AP3D1: variants seen among roughly 807,000 people sequenced by gnomAD.
AP3D1 encodes AP-3 complex subunit delta-1.
A neutral mutation model predicts 147.6 loss-of-function variants in AP3D1; 51 were observed. That is an observed-to-expected ratio of 0.35 (90% CI 0.28 to 0.44). The LOEUF is 0.44. AP3D1 is among the 20% of genes least tolerant of loss of function. The pLI is 1.00. For missense variants in AP3D1, 1,421 were observed against 1,624.2 expected (o/e 0.87, Z 2.15); for synonymous variants, 760 against 663.0 (o/e 1.15, Z -2.25).
chr19:2,104,363 C>A (rs1443146749), intron 31 of AP3D1, among the ~76,000 whole-genome samples: 1 of 122,916 alleles, frequency 8.1e-6, no homozygotes, highest in Non-Finnish European at 1.9e-5. Context: ...GAGACGCCAA[C>A]ACCCAGACCC....
chr19:2,137,182 G>A (rs1279141342), intron 3 of AP3D1, 91 bp from the exon 4 acceptor site: 7 of 1,180,994 alleles, frequency 5.9e-6, no homozygotes, highest in Middle Eastern at 1.9e-4. Flanking sequence ...ACCAGGCAGC[G>A]CCAGCCCAGA....
intron 1 of AP3D1, among the ~76,000 whole-genome samples, chr19:2,149,535 C>T (rs545783559): frequency 4.2e-5 from 6 of 143,394 alleles, no homozygotes; most frequent in Admixed American, 1.4e-4. Context: ...AAGAGTGAAA[C>T]TCCGTCTCAA....
chr19:2,158,237 T>C (rs1338411540), intron 1 of AP3D1, among the ~76,000 whole-genome samples: 1 of 152,038 alleles, frequency 6.6e-6, no homozygotes, highest in African/African-American at 2.4e-5. Context: ...TTCGTATTTT[T>C]AGTAGAGACG....
chr19:2,116,810 C>A, intron 16 of AP3D1, 64 bp from the exon 17 acceptor site: 1 of 1,514,364 alleles, frequency 6.6e-7, no homozygotes. Context: ...CAGGCGTCCG[C>A]CCTGAGCAGG....
intron 1 of AP3D1, among the ~76,000 whole-genome samples, chr19:2,158,357 G>GTTTT (rs556426847): frequency 7.4e-6 from 1 of 135,724 alleles, no homozygotes; most frequent in Non-Finnish European, 1.6e-5. Flanking sequence ...TGCTCGACCT[G>GTTTT]TTTTTTTTTT....
intron 9 of AP3D1, among the ~76,000 whole-genome samples, chr19:2,126,482 C>T (rs558455357): frequency 2.0e-5 from 3 of 152,024 alleles, no homozygotes; most frequent in African/African-American, 2.4e-5. Flanking sequence ...AGTGAAACCC[C>T]GTGTCTACTA....
intron 22 of AP3D1, among the ~76,000 whole-genome samples, chr19:2,113,769 A>G (rs903161375): frequency 1.3e-5 from 2 of 152,152 alleles, no homozygotes; most frequent in African/African-American, 2.4e-5. Context: ...TGAAAAACCC[A>G]TTTCTTTCTC....
chr19:2,110,959 CCTGT>C, intron 26 of AP3D1, 63 bp from the exon 27 acceptor site: 2 of 1,549,274 alleles, frequency 1.3e-6, no homozygotes, highest in East Asian at 4.5e-5. Context: ...GGCACAGCCA[CCTGT>C]CTCTTAATGA....
intron 26 of AP3D1, 185 bp from the exon 27 acceptor site, chr19:2,111,081 A>G: frequency 2.2e-6 from 2 of 904,492 alleles, no homozygotes; most frequent in South Asian, 1.7e-5. Flanking sequence ...CATGGCGGGG[A>G]CCCTCCTGCC....
rs757809858 is a variant in AP3D1 at position 2,114,151 on chromosome 19, CCTT to C, written c.2572_2574del (p.Lys858del). The C allele has an allele frequency of 1.0e-5, 16 of 1,566,744 alleles. No homozygotes were observed. The highest frequency in any genetic ancestry group is 7.1e-5 in the East Asian group (3 of 42,200). The stretch of plus-strand genomic sequence containing the variant: ...TTCTTCTCCTTCTCCTTCTTCTTCT[CCTT>C]GTCTCTCTCTTTCTCTTTGTGTTTT... On this transcript the variant is annotated inframe_deletion, in exon 22 of 32. Transcript: ENST00000643116.
At chr19:2,162,087 G>A (rs1267828377) in intron 1 of AP3D1, among the ~76,000 whole-genome samples, 1 of 145,946 alleles carries the variant, frequency 6.9e-6, no homozygotes, top group African/African-American at 2.5e-5. Context: ...CCAGGCTGGA[G>A]TGCAGTGGCA....
Position 2,136,839 on chromosome 19 carries a change from G to A in AP3D1, c.354+172C>T, listed in dbSNP as rs913252283. ...CACCAGGGAGCGCAGGCTCAGACCCGCCGGGCCTCCTCTCTGCGTCTGCTG... is the reference window on the plus strand; with the variant it reads ...CACCAGGGAGCGCAGGCTCAGACCCACCGGGCCTCCTCTCTGCGTCTGCTG... On this transcript the variant is annotated intron_variant, in intron 4 of 31. Coordinates refer to ENST00000643116, the MANE Select transcript of AP3D1 (RefSeq NM_001261826.3). 3.9e-5 allele frequency among the ~76,000 whole-genome samples: 6 copies of A among 152,278 alleles called. No homozygotes were observed. In the South Asian group the frequency reaches 8.3e-4, roughly 21 times the overall value.
rs1163896225 is a variant in AP3D1, at chr19:2,102,091, G to A, written c.*82C>T. On this transcript the variant is annotated 3_prime_UTR_variant, in exon 32 of 32. Transcript: ENST00000643116. ...ACTCAGGCTTGGGTACAGTACACACGACTGAGGAGAGGCGAGACACGTCAG... is the reference window on the plus strand; with the variant it reads ...ACTCAGGCTTGGGTACAGTACACACAACTGAGGAGAGGCGAGACACGTCAG... 11 of 1,104,466 alleles carry A rather than the reference G, an allele frequency of 1.0e-5. No homozygotes were observed. The highest frequency in any genetic ancestry group is 2.4e-5 in the East Asian group (1 of 42,422). The allele number at this position is 1,104,466 out of a possible 1,614,324, so 68.4% of individuals were successfully genotyped here. A position where few individuals can be genotyped will look rare whatever the true frequency, so the allele number is the denominator to read the frequency against.
intron 1 of AP3D1, chr19:2,164,123 C>T (rs1448358118): frequency 3.9e-5 from 30 of 771,918 alleles, no homozygotes; most frequent in South Asian, 6.0e-5. Flanking sequence ...CTCCGCCCAC[C>T]GGCGGCCCCG....
At chr19:2,147,345 C>CAAAAAA (rs71176517) in intron 1 of AP3D1, among the ~76,000 whole-genome samples, 19 of 80,264 alleles carry the variant, frequency 2.4e-4, no homozygotes, top group East Asian at 7.2e-4. Flanking sequence ...AACTCTGTCT[C>CAAAAAA]AAAAAAAAAA....
intron 9 of AP3D1, among the ~76,000 whole-genome samples, chr19:2,125,495 T>C (rs1263127060): frequency 6.6e-6 from 1 of 152,096 alleles, no homozygotes; most frequent in Non-Finnish European, 1.5e-5. Context: ...TTTGTATTTT[T>C]TAGGTAGAGA....
chr19:2,105,207 C>G (rs2018076852), intron 31 of AP3D1, among the ~76,000 whole-genome samples: 1 of 152,208 alleles, frequency 6.6e-6, no homozygotes. Context: ...TGAGGGGCAG[C>G]AGCCCAGGCT....
intron 14 of AP3D1, among the ~76,000 whole-genome samples, chr19:2,120,248 C>T (rs1041287683): frequency 5.9e-5 from 9 of 152,176 alleles, no homozygotes; most frequent in Non-Finnish European, 1.0e-4. Flanking sequence ...CAGGCAGGCC[C>T]GGTGACCCGA....
chr19:2,151,733 C>T (rs541019673), upstream of AP3D1, among the ~76,000 whole-genome samples: 2 of 152,362 alleles, frequency 1.3e-5, no homozygotes, highest in East Asian at 1.9e-4. Context: ...CGCGCGGCCC[C>T]GCCTTTTCCG....
Sources: allele counts gnomAD v4.1 joint callset (sites outside exome capture counted in the v4.1 genomes callset), GRCh38; gene constraint gnomAD v4.1.1; transcripts MANE v1.5; gene names NCBI Gene and HGNC (gene_info 2026-07-23, HGNC 2026-07-21).